STK39: variants seen among roughly 807,000 people sequenced by gnomAD.
STK39 encodes STE20/SPS1-related proline-alanine-rich protein kinase.
In STK39, 20 loss-of-function variants were observed where a neutral mutation model predicts 77.8. That is an observed-to-expected ratio of 0.26 (90% CI 0.18 to 0.37). The LOEUF (loss-of-function observed/expected upper bound fraction) is 0.37, where lower values mean the gene tolerates loss of function less well. Among genes scored for constraint, STK39 ranks in the 10% least tolerant of loss-of-function variants. The pLI, the probability that STK39 is intolerant of heterozygous loss-of-function variation, is 1.00. For missense variants in STK39, 479 were observed against 656.5 expected (o/e 0.73, Z 2.95); for synonymous variants, 246 against 234.1 (o/e 1.05, Z -0.47).
At chr2:168,232,718 C>T (rs940594883) in intron 1 of STK39, among the ~76,000 whole-genome samples, 12 of 152,222 alleles carry the variant, frequency 7.9e-5, no homozygotes, top group African/African-American at 2.6e-4. Flanking sequence ...TCAGACCAGC[C>T]TGGCCAACAT....
chr2:168,013,488 C>T (rs561908535), intron 15 of STK39, among the ~76,000 whole-genome samples: 1 of 152,172 alleles, frequency 6.6e-6, no homozygotes, highest in African/African-American at 2.4e-5. Context: ...TAAGCCCCCA[C>T]GTTTTTACAA....
At chr2:168,240,331 T>G (rs1380327025) in intron 1 of STK39, among the ~76,000 whole-genome samples, 2 of 152,202 alleles carry the variant, frequency 1.3e-5, no homozygotes, top group Non-Finnish European at 2.9e-5. Flanking sequence ...GGGAGCAACG[T>G]GATCAAGAAT....
intron 16 of STK39, among the ~76,000 whole-genome samples, chr2:167,990,531 T>C (rs536689893): frequency 2.6e-5 from 4 of 152,270 alleles, no homozygotes; most frequent in African/African-American, 7.2e-5. Context: ...TAAAAAACGA[T>C]TGCACATCCA....
In STK39 at chr2:167,968,035, G is replaced by C. The variant is rs1191654080; in HGVS notation, c.1499-3309C>G. Among the ~76,000 whole-genome samples the C allele has an allele frequency of 3.3e-5, 5 of 151,776 alleles. 1 individual carries two copies. The South Asian group carries it at 6.3e-4, about 19-fold the overall frequency. On this transcript the variant is annotated intron_variant, in intron 16 of 17. Transcript: ENST00000355999. Reference sequence around the variant, plus strand: ...GTTTAGCTCTCACAAGTGAGAACATGCGGTATTTGGTTTTCTGTCCCTGTG... The same window carrying C: ...GTTTAGCTCTCACAAGTGAGAACATCCGGTATTTGGTTTTCTGTCCCTGTG...
intron 1 of STK39, among the ~76,000 whole-genome samples, chr2:168,199,615 C>T (rs1689562699): frequency 6.6e-6 from 1 of 151,800 alleles, no homozygotes; most frequent in Non-Finnish European, 1.5e-5. Context: ...GCAACCTTTG[C>T]CTCCCAGGTT....
At chr2:168,019,045 T>G (rs1684505357) in intron 14 of STK39, among the ~76,000 whole-genome samples, 1 of 151,514 alleles carries the variant, frequency 6.6e-6, no homozygotes, top group Non-Finnish European at 1.5e-5. Context: ...GACCTTGAAC[T>G]TTGTATCTCC....
chr2:168,213,147 A>C (rs1005566341), intron 1 of STK39, among the ~76,000 whole-genome samples: 1 of 152,248 alleles, frequency 6.6e-6, no homozygotes, highest in Non-Finnish European at 1.5e-5. Flanking sequence ...CCATGGTGAC[A>C]GCAAATGTCT....
intron 8 of STK39, among the ~76,000 whole-genome samples, chr2:168,137,074 G>C (rs1033341031): frequency 1.3e-5 from 2 of 152,194 alleles, no homozygotes; most frequent in African/African-American, 2.4e-5. Context: ...TGGAAACTGT[G>C]TTTAAACTAG....
chr2:168,171,621 G>C (rs1009941216), intron 2 of STK39, among the ~76,000 whole-genome samples: 3 of 151,766 alleles, frequency 2.0e-5, no homozygotes, highest in Non-Finnish European at 4.4e-5. Flanking sequence ...TGAGTAGCAG[G>C]GGGGATGAGC....
intron 15 of STK39, among the ~76,000 whole-genome samples, chr2:168,014,129 A>G (rs1375309): frequency 0.48 from 73,759 of 152,086 alleles, 19,029 homozygotes; most frequent in Non-Finnish European, 0.56. Context: ...GAATCTTACT[A>G]AACTATAAAG....
At chr2:168,108,248 C>T (rs1687030730) in intron 10 of STK39, among the ~76,000 whole-genome samples, 1 of 152,162 alleles carries the variant, frequency 6.6e-6, no homozygotes, top group Admixed American at 6.5e-5. Flanking sequence ...CTCCAGTGTT[C>T]TCTCACTGCA....
chr2:168,110,064 T>C (rs185013289), intron 10 of STK39, among the ~76,000 whole-genome samples: 3 of 152,328 alleles, frequency 2.0e-5, no homozygotes, highest in Admixed American at 2.0e-4. Context: ...TAACAGTCTT[T>C]TCTTTTATAG....
intron 10 of STK39, among the ~76,000 whole-genome samples, chr2:168,079,823 AT>A (rs1330304385): frequency 1.3e-5 from 2 of 152,132 alleles, no homozygotes; most frequent in East Asian, 3.9e-4. Context: ...TGTTCTACGG[AT>A]TTTACATGTA....
chr2:167,967,033 T>C (rs1458273607), intron 16 of STK39, among the ~76,000 whole-genome samples: 2 of 152,188 alleles, frequency 1.3e-5, no homozygotes, highest in Non-Finnish European at 2.9e-5. Context: ...GCTCCTTACC[T>C]GGAACGTGAG....
At chr2:168,047,367 A>C (rs1016151680) in intron 14 of STK39, among the ~76,000 whole-genome samples, 16 of 152,232 alleles carry the variant, frequency 1.1e-4, no homozygotes, top group Non-Finnish European at 1.9e-4. Context: ...CTAATAATTC[A>C]TTTGAACATT....
chr2:168,142,489 G>GC (rs1266224787), intron 5 of STK39, among the ~76,000 whole-genome samples: 4 of 152,054 alleles, frequency 2.6e-5, no homozygotes, highest in African/African-American at 9.7e-5. Context: ...TGCAATTGAA[G>GC]CAACTCTGCA....
At chr2:168,172,658 T>C (rs764458056) in intron 2 of STK39, among the ~76,000 whole-genome samples, 79 of 152,310 alleles carry the variant, frequency 5.2e-4, no homozygotes, top group Non-Finnish European at 9.8e-4. Context: ...AAAGAGATTT[T>C]TGTTACTGAA....
At chr2:167,959,144 A>T (rs1691867986) in intron 17 of STK39, among the ~76,000 whole-genome samples, 1 of 151,824 alleles carries the variant, frequency 6.6e-6, no homozygotes, top group Non-Finnish European at 1.5e-5. Flanking sequence ...TTTTTGAGAC[A>T]GTCTCACTCT....
intron 10 of STK39, among the ~76,000 whole-genome samples, chr2:168,103,254 T>C (rs1574467537): frequency 6.6e-6 from 1 of 152,220 alleles, no homozygotes; most frequent in Admixed American, 6.5e-5. Context: ...TATCCTTATG[T>C]TCCTTTACCT....
Sources: gnomAD v4.1 joint callset for allele counts (sites outside exome capture counted in the v4.1 genomes callset) on GRCh38, gnomAD v4.1.1 for gene constraint, MANE v1.5 for transcripts, NCBI Gene and HGNC (gene_info 2026-07-23, HGNC 2026-07-21) for gene names.